DENND1A: variants seen among roughly 807,000 people sequenced by gnomAD.
DENND1A encodes DENN domain-containing protein 1A.
In DENND1A, 51 loss-of-function variants were observed where a neutral mutation model predicts 113.7. The observed-to-expected ratio is 0.45, with a 90% CI of 0.36 to 0.57. The LOEUF (loss-of-function observed/expected upper bound fraction) is 0.57, where lower values mean the gene tolerates loss of function less well. Ranked by LOEUF, DENND1A falls within the 20% of genes least tolerant of loss-of-function variation. The pLI, the probability that DENND1A is intolerant of heterozygous loss-of-function variation, is 0.00. For synonymous variants in DENND1A, 565 were observed against 570.8 expected (o/e 0.99, Z 0.14); for missense variants, 1,258 against 1,395.9 (o/e 0.90, Z 1.57).
At chr9:123,777,981 A>G (rs1316722904) in intron 3 of DENND1A, among the ~76,000 whole-genome samples, 2 of 152,216 alleles carry the variant, frequency 1.3e-5, no homozygotes, top group African/African-American at 4.8e-5. Context: ...TAAGGAGGAT[A>G]AGGAGGATTC....
intron 5 of DENND1A, among the ~76,000 whole-genome samples, chr9:123,728,119 G>T (rs1488107662): frequency 6.8e-6 from 1 of 146,028 alleles, no homozygotes; most frequent in African/African-American, 2.6e-5. Context: ...AAAAAAAAAA[G>T]AATCCCTAAG....
chr9:123,758,107 C>A (rs529213270), intron 4 of DENND1A, among the ~76,000 whole-genome samples: 1 of 152,218 alleles, frequency 6.6e-6, no homozygotes, highest in East Asian at 1.9e-4. Context: ...GTCAGCCCAT[C>A]AATTCCGAAA....
intron 13 of DENND1A, among the ~76,000 whole-genome samples, chr9:123,520,144 T>C (rs950746883): frequency 3.8e-5 from 3 of 78,926 alleles, no homozygotes; most frequent in Non-Finnish European, 6.4e-5. Context: ...CAAGATCCTG[T>C]CTCAAAAAAA....
chr9:123,477,816 A>C (rs2050035730), intron 13 of DENND1A, among the ~76,000 whole-genome samples: 1 of 152,050 alleles, frequency 6.6e-6, no homozygotes, highest in African/African-American at 2.4e-5. Context: ...TTTTAAATGA[A>C]ATTGCTTTCC....
chr9:123,407,874 T>C (rs572698588), intron 20 of DENND1A, among the ~76,000 whole-genome samples: 12 of 152,250 alleles, frequency 7.9e-5, no homozygotes, highest in Admixed American at 5.9e-4. Context: ...AAATAATAAA[T>C]ACAGAGCTTA....
chr9:123,536,322 T>C (rs1020704553), intron 13 of DENND1A, among the ~76,000 whole-genome samples: 1 of 151,906 alleles, frequency 6.6e-6, no homozygotes, highest in African/African-American at 2.4e-5. Context: ...ATACAAAAAT[T>C]AGCCGGGCGT....
Position 123,771,849 on chromosome 9 carries a change from CTAAT to C in DENND1A, c.133-2290_133-2287del, listed in dbSNP as rs375739923. ...TTTATCTAAGCAAACAGCAGTAAATCTAATTAAGCAATAGGATGGGGGGAGGGGA... is the reference window on the plus strand; with the variant it reads ...TTTATCTAAGCAAACAGCAGTAAATCTAAGCAATAGGATGGGGGGAGGGGA... On this transcript the variant is annotated intron_variant, in intron 3 of 23. Coordinates refer to ENST00000394215, the MANE Select transcript of DENND1A (RefSeq NM_001352964.2). 6.0e-4 allele frequency among the ~76,000 whole-genome samples: 90 copies of C among 150,696 alleles called. No homozygotes were observed. In the Middle Eastern group the frequency reaches 0.01, roughly 17 times the overall value.
chr9:123,424,336 G>A (rs1316636196), intron 19 of DENND1A, among the ~76,000 whole-genome samples: 1 of 152,178 alleles, frequency 6.6e-6, no homozygotes, highest in African/African-American at 2.4e-5. Context: ...CCAGCCCTGT[G>A]CTATTCTATG....
intron 1 of DENND1A, among the ~76,000 whole-genome samples, chr9:123,917,629 T>G (rs1855401009): frequency 6.6e-6 from 1 of 151,992 alleles, no homozygotes; most frequent in South Asian, 2.1e-4. Flanking sequence ...TCCTAGAAAT[T>G]ATGACTGACC....
chr9:123,627,390 C>T (rs1263486284), intron 10 of DENND1A, among the ~76,000 whole-genome samples: 1 of 152,170 alleles, frequency 6.6e-6, no homozygotes, highest in African/African-American at 2.4e-5. Context: ...CCTGTCTTCC[C>T]AGCACTTAGT....
At chr9:123,531,174 T>C (rs917467999) in intron 13 of DENND1A, among the ~76,000 whole-genome samples, 1 of 152,202 alleles carries the variant, frequency 6.6e-6, no homozygotes, top group African/African-American at 2.4e-5. Context: ...CAAATGTTTC[T>C]TTCCCATTTT....
chr9:123,630,377 A>T lies in DENND1A; in HGVS notation c.718T>A (p.Cys240Ser). 6.3e-7 allele frequency: 1 copy of T among 1,591,548 alleles called. No individual in the cohort carries two copies. Among genetic ancestry groups the T allele is most frequent in the Non-Finnish European group, 8.6e-7 (1 of 1,165,822 alleles). ...VLPPHLLDYC[C>S]APMPYLIGIH... Reference sequence around the variant, plus strand: ...AGAGGACAGGGCCAGCCACCTTACCAGCAGTAGTCCAGCAGATGCGGCGGC... The same window carrying T: ...AGAGGACAGGGCCAGCCACCTTACCTGCAGTAGTCCAGCAGATGCGGCGGC... The change falls in exon 10 of 24, where the codon TGT becomes AGT. Residue 240 changes from cysteine to serine, a missense_variant and splice_region_variant. Transcript: ENST00000394215.
intron 12 of DENND1A, among the ~76,000 whole-genome samples, chr9:123,572,998 T>C (rs2058440001): frequency 6.6e-6 from 1 of 152,154 alleles, no homozygotes; most frequent in African/African-American, 2.4e-5. Context: ...TTCTTTTTTT[T>C]CCATATAGAT....
chr9:123,730,508 C>T (rs2068082321), intron 5 of DENND1A, among the ~76,000 whole-genome samples: 1 of 152,254 alleles, frequency 6.6e-6, no homozygotes, highest in Middle Eastern at 3.4e-3. Context: ...TGAAAAAAAG[C>T]TCAACATCAC....
At chr9:123,573,659 C>T (rs2058476393) in intron 12 of DENND1A, among the ~76,000 whole-genome samples, 1 of 152,138 alleles carries the variant, frequency 6.6e-6, no homozygotes, top group African/African-American at 2.4e-5. Context: ...TGCACCCTTA[C>T]TAAATTCATT....
intron 13 of DENND1A, among the ~76,000 whole-genome samples, chr9:123,551,949 C>G (rs907966214): frequency 6.6e-6 from 1 of 151,542 alleles, no homozygotes; most frequent in East Asian, 1.9e-4. Flanking sequence ...AGTCCCCCAG[C>G]CAGCTGCATT....
chr9:123,767,377 G>C (rs192296391), intron 4 of DENND1A, among the ~76,000 whole-genome samples: 1 of 150,174 alleles, frequency 6.7e-6, no homozygotes, highest in Admixed American at 6.6e-5. Context: ...TATTCAAAAA[G>C]AAACATTTCT....
At chr9:123,829,920 C>G (rs1440742394) in intron 2 of DENND1A, among the ~76,000 whole-genome samples, 1 of 152,074 alleles carries the variant, frequency 6.6e-6, no homozygotes, top group Admixed American at 6.5e-5. Flanking sequence ...GAAATTTATC[C>G]CTCATTTAAA....
chr9:123,856,775 G>GC (rs138590098), intron 2 of DENND1A, among the ~76,000 whole-genome samples: 10,117 of 152,072 alleles, frequency 0.067, 463 homozygotes, highest in African/African-American at 0.13. Flanking sequence ...GGGTATCAGA[G>GC]CCCCAATTGA....
Sources: allele counts gnomAD v4.1 joint callset (sites outside exome capture counted in the v4.1 genomes callset), GRCh38; gene constraint gnomAD v4.1.1; transcripts MANE v1.5; gene names NCBI Gene and HGNC (gene_info 2026-07-23, HGNC 2026-07-21).